The following KCNMA1 variants were observed in gnomAD, a reference collection of about 807,000 sequenced individuals.
KCNMA1 encodes Calcium-activated potassium channel subunit alpha-1.
Under a neutral mutation model 140.0 loss-of-function variants are expected in KCNMA1, and 29 were observed. The observed-to-expected ratio is 0.21, with a 90% CI of 0.15 to 0.28. KCNMA1 has a LOEUF of 0.28. Ranked by LOEUF, KCNMA1 falls within the 10% of genes least tolerant of loss-of-function variation. The pLI, the probability that KCNMA1 is intolerant of heterozygous loss-of-function variation, is 1.00. For missense variants in KCNMA1, 880 were observed against 1,602.2 expected (o/e 0.55, Z 7.70); for synonymous variants, 612 against 611.9 (o/e 1.00, Z 0.00).
chr10:77,248,038 T>C (rs2058936269), intron 3 of KCNMA1, among the ~76,000 whole-genome samples: 1 of 152,022 alleles, frequency 6.6e-6, no homozygotes, highest in Non-Finnish European at 1.5e-5. Context: ...TGGCCAAAAA[T>C]GAAAGGTGTG....
At chr10:76,972,332 A>G (rs2076311509) in intron 19 of KCNMA1, among the ~76,000 whole-genome samples, 1 of 152,178 alleles carries the variant, frequency 6.6e-6, no homozygotes, top group Admixed American at 6.5e-5. Context: ...ACCAGATGCT[A>G]CCATGGTTGT....
intron 16 of KCNMA1, among the ~76,000 whole-genome samples, chr10:77,027,553 C>G (rs1165625213): frequency 6.6e-6 from 1 of 152,148 alleles, no homozygotes; most frequent in Non-Finnish European, 1.5e-5. Context: ...TCGGCATGAT[C>G]AGGTGGAGAT....
intron 1 of KCNMA1, 129 bp downstream of exon 1, chr10:77,637,136 G>A: frequency 8.0e-7 from 1 of 1,247,958 alleles, no homozygotes; most frequent in Non-Finnish European, 1.1e-6. Context: ...GGGAAGGGAA[G>A]GCGGCGAGGG....
At chr10:77,334,917 TCTTA>T (rs747577116) in intron 2 of KCNMA1, among the ~76,000 whole-genome samples, 1 of 152,230 alleles carries the variant, frequency 6.6e-6, no homozygotes, top group Non-Finnish European at 1.5e-5. Flanking sequence ...AGATTATTTT[TCTTA>T]CTTAGTTTTG....
intron 15 of KCNMA1, among the ~76,000 whole-genome samples, chr10:77,033,501 G>C (rs2094100220): frequency 6.6e-6 from 1 of 151,586 alleles, no homozygotes; most frequent in South Asian, 2.1e-4. Context: ...GCACACCTAA[G>C]ACACTAGAAT....
intron 1 of KCNMA1, among the ~76,000 whole-genome samples, chr10:77,507,470 T>C (rs532645411): frequency 1.3e-5 from 2 of 152,224 alleles, no homozygotes; most frequent in South Asian, 4.2e-4. Context: ...CTGATAAAAA[T>C]CTCTGGACTA....
chr10:77,363,110 A>AATT (rs756554478), intron 2 of KCNMA1, among the ~76,000 whole-genome samples: 94 of 92,706 alleles, frequency 1.0e-3, no homozygotes, highest in African/African-American at 2.3e-3. Flanking sequence ...GATTGTTAAG[A>AATT]ATTATTATTA....
intron 1 of KCNMA1, among the ~76,000 whole-genome samples, chr10:77,405,214 A>G (rs2096433138): frequency 6.6e-6 from 1 of 152,176 alleles, no homozygotes; most frequent in Admixed American, 6.5e-5. Context: ...CTCCTTTTCA[A>G]TGAAGTCTTC....
intron 13 of KCNMA1, among the ~76,000 whole-genome samples, chr10:77,076,290 G>C (rs1247784): frequency 0.043 from 6,496 of 152,206 alleles, 467 homozygotes; most frequent in East Asian, 0.23. Context: ...AATCCACTGA[G>C]AGGTAAATCA....
At chr10:77,253,910 C>T (rs1437331685) in intron 2 of KCNMA1, among the ~76,000 whole-genome samples, 1 of 152,128 alleles carries the variant, frequency 6.6e-6, no homozygotes, top group Non-Finnish European at 1.5e-5. Flanking sequence ...GATCCAGGTG[C>T]TGCAGAAAAC....
intron 2 of KCNMA1, among the ~76,000 whole-genome samples, chr10:77,322,190 C>T (rs6480859): frequency 0.27 from 40,424 of 152,060 alleles, 6,605 homozygotes; most frequent in Non-Finnish European, 0.38. Flanking sequence ...TTTACTGACT[C>T]GGACTAGGAG....
chr10:76,989,187 T>C (rs1029983874), intron 19 of KCNMA1, among the ~76,000 whole-genome samples: 5 of 152,144 alleles, frequency 3.3e-5, no homozygotes, highest in African/African-American at 1.2e-4. Context: ...TTCTGTGCTT[T>C]CCTTGAGGAA....
chr10:77,440,812 T>C (rs1214753802), intron 1 of KCNMA1, among the ~76,000 whole-genome samples: 1 of 152,086 alleles, frequency 6.6e-6, no homozygotes, highest in Non-Finnish European at 1.5e-5. Context: ...ATCAAAATTC[T>C]TTTTTTGTTT....
At chr10:77,353,693 T>C (rs764762831) in intron 2 of KCNMA1, among the ~76,000 whole-genome samples, 1 of 152,086 alleles carries the variant, frequency 6.6e-6, no homozygotes, top group Non-Finnish European at 1.5e-5. Context: ...GTATCAATAT[T>C]TTACAGATGA....
intron 2 of KCNMA1, among the ~76,000 whole-genome samples, chr10:77,394,445 T>C (rs942387036): frequency 6.6e-6 from 1 of 152,146 alleles, no homozygotes; most frequent in African/African-American, 2.4e-5. Flanking sequence ...AGGGGTCCTC[T>C]TGGGGGTAAG....
At chr10:77,081,827 A>G (rs2096573865) in intron 12 of KCNMA1, among the ~76,000 whole-genome samples, 1 of 152,060 alleles carries the variant, frequency 6.6e-6, no homozygotes, top group African/African-American at 2.4e-5. Flanking sequence ...TTTAATTTCA[A>G]AGGAGGCAGA....
chr10:77,026,000 T>A (rs11001974), intron 16 of KCNMA1, among the ~76,000 whole-genome samples: 60,515 of 120,026 alleles, frequency 0.5, 13,417 homozygotes, highest in Middle Eastern at 0.58. Context: ...AAAAAAAAAA[T>A]ATATATATAT....
chr10:77,106,508 A>C (rs2097201367), intron 9 of KCNMA1, among the ~76,000 whole-genome samples: 1 of 150,644 alleles, frequency 6.6e-6, no homozygotes, highest in South Asian at 2.1e-4. Context: ...CCACCAGCTC[A>C]CCCACATTTG....
At chr10:76,879,590 C>G (rs1259524076) in intron 29 of KCNMA1, among the ~76,000 whole-genome samples, 1 of 150,602 alleles carries the variant, frequency 6.6e-6, no homozygotes. Flanking sequence ...TTTTTTTTTC[C>G]CTAAGCTTCA....
Sources: allele counts gnomAD v4.1 joint callset (sites outside exome capture counted in the v4.1 genomes callset), GRCh38; gene constraint gnomAD v4.1.1; transcripts MANE v1.5; gene names NCBI Gene and HGNC (gene_info 2026-07-23, HGNC 2026-07-21).